LENG8: variants seen among roughly 807,000 people sequenced by gnomAD.
LENG8 encodes leukocyte receptor cluster (LRC) member 8.
LENG8 carries 28 observed loss-of-function variants against 102.1 expected under a neutral mutation model. The observed-to-expected ratio is 0.27, with a 90% CI of 0.20 to 0.38. The LOEUF is 0.38. LENG8 is among the 10% of genes least tolerant of loss of function. LENG8 has a pLI of 1.00. For synonymous variants in LENG8, 531 were observed against 456.7 expected (o/e 1.16, Z -2.07); for missense variants, 1,022 against 1,113.9 (o/e 0.92, Z 1.17).
At position 54,454,491 on chromosome 19, in the gene LENG8, C is replaced by T. The variant is rs542811604; in HGVS notation, c.488C>T (p.Ser163Leu). ...SYQAPPQQLP[S>L]AQPPQPSNPP... is the part of the protein sequence containing the mutation. Reference sequence around the variant, plus strand: ...CAGGCTCCCCCTCAGCAGCTGCCGTCGGCTCAGCCCCCTCAGCCCTCAAAT... The same window carrying T: ...CAGGCTCCCCCTCAGCAGCTGCCGTTGGCTCAGCCCCCTCAGCCCTCAAAT... Residue 163 changes from serine to leucine, a missense_variant, in exon 6 of 16, where the codon TCG becomes TTG. Physicochemically the swap from Ser to Leu is moderately radical, Grantham distance 145 (BLOSUM62 -2). Transcript: ENST00000326764. 11 of 1,613,594 alleles carry T rather than the reference C, an allele frequency of 6.8e-6. No homozygotes were observed. Among genetic ancestry groups the T allele is most frequent in the South Asian group, 4.4e-5 (4 of 91,074 alleles).
chr19:54,449,757 C>T (rs979678898), intron 1 of LENG8: 3 of 152,364 alleles, frequency 2.0e-5, no homozygotes, highest in Non-Finnish European at 2.9e-5. Flanking sequence ...GCTCCCGGGA[C>T]CTCAGGCCTC....
At position 54,454,379 on chromosome 19, in the gene LENG8, C is replaced by T. The variant is rs373174648; in HGVS notation, c.427-51C>T. The T allele has an allele frequency of 1.6e-5, 24 of 1,535,424 alleles. No individual in the cohort carries two copies. The Admixed American group carries it at 2.3e-4, about 15-fold the overall frequency. ...CTCACAGCGAGGGCTGAGTGCCACT[C>T]GCCAGCCCCAGAATCTGCCTCCCGT... On this transcript the variant is annotated intron_variant, in intron 5 of 15. Coordinates refer to ENST00000326764, the MANE Select transcript of LENG8 (RefSeq NM_052925.4).
At position 54,457,811 on chromosome 19, in the gene LENG8, C is replaced by T. The variant is rs749623367; in HGVS notation, c.1796C>T (p.Ala599Val). The T allele has an allele frequency of 1.9e-6, 3 of 1,614,182 alleles. No individual in the cohort carries two copies. In the Admixed American group the frequency reaches 5.0e-5, roughly 27 times the overall value. ...HWKEKQDYAF[A>V]CEQMKSIRQD... ...AAAGAGAAGCAGGACTACGCGTTTG[C>T]CTGCGAGCAGATGAAGTCGATCCGG... is the stretch of plus-strand genomic sequence containing the variant. Residue 599 changes from alanine (A) to valine (V), a missense_variant, in exon 12 of 16, where the codon GCC becomes GTC. Ala to Val is a moderately conservative substitution (Grantham distance 64). Transcript: ENST00000326764.
chr19:54,459,969 T>C, intron 15 of LENG8: 1 of 1,219,076 alleles, frequency 8.2e-7, no homozygotes, highest in Non-Finnish European at 1.1e-6. Flanking sequence ...TAATTGGCCT[T>C]GGTTGGGAAC....
chr19:54,451,451 T>G, intron 2 of LENG8, 69 bp downstream of exon 2: 1 of 1,521,762 alleles, frequency 6.6e-7, no homozygotes, highest in South Asian at 1.1e-5. Flanking sequence ...TGCTGTCCTC[T>G]GGGGTGGGAC....
intron 15 of LENG8, chr19:54,460,258 T>C: frequency 7.8e-7 from 1 of 1,278,734 alleles, no homozygotes; most frequent in Non-Finnish European, 1.0e-6. Context: ...ACCTGGCTCG[T>C]GCTAGATGCT....
chr19:54,454,792 C>A, intron 6 of LENG8, 110 bp downstream of exon 6: 1 of 1,437,830 alleles, frequency 7.0e-7, no homozygotes, highest in South Asian at 1.3e-5. Flanking sequence ...TTGTGATCGC[C>A]AGGCTGGGGG....
Position 54,455,524 on chromosome 19 carries a change from G to A in LENG8, c.982G>A (p.Gly328Ser), listed in dbSNP as rs771259802. 5.0e-6 allele frequency: 8 copies of A among 1,613,446 alleles called. No individual in the cohort carries two copies. The highest frequency in any genetic ancestry group is 4.5e-5 in the East Asian group (2 of 44,884). Residue 328 changes from glycine (G) to serine (S), a missense_variant, in exon 8 of 16, where the codon GGC becomes AGC. Transcript: ENST00000326764. Reference sequence around the variant, plus strand: ...GGTGCTGCAGGCGCGGCTGCAGGACGGCTCGGCCTATACCATTGACTGGAG... The same window carrying A: ...GGTGCTGCAGGCGCGGCTGCAGGACAGCTCGGCCTATACCATTGACTGGAG... ...KEVLQARLQD[G>S]SAYTIDWSRE...
chr19:54,456,066 C>A lies in LENG8; in HGVS notation c.1125C>A (p.Gly375=). 6.2e-7 allele frequency: 1 copy of A among 1,609,510 alleles called. No individual in the cohort carries two copies. Among genetic ancestry groups the A allele is most frequent in the South Asian group, 1.1e-5 (1 of 90,806 alleles). ...PPRGAGSATR[G]GGAPSQRGTP... ...GAGGGGCAGGCTCGGCGACAAGGGGCGGGGGTGCCCCGTCCCAGCGAGGGA... is the reference window on the plus strand; with the variant it reads ...GAGGGGCAGGCTCGGCGACAAGGGGAGGGGGTGCCCCGTCCCAGCGAGGGA... The change falls in exon 9 of 16, where the codon GGC becomes GGA. Residue 375 remains glycine (G), a synonymous_variant. Coordinates refer to ENST00000326764, the MANE Select transcript of LENG8 (RefSeq NM_052925.4).
At position 54,456,377 on chromosome 19, in the gene LENG8, G is replaced by C. The variant is rs143145059; in HGVS notation, c.1357G>C (p.Val453Leu). The C allele has an allele frequency of 4.7e-5, 76 of 1,612,974 alleles. No homozygotes were observed. The African/African-American group carries it at 9.5e-4, about 20-fold the overall frequency. ...SSYSGNECHP[V>L]GRRNPPPKGR... ...CTACTCAGGGAATGAGTGTCACCCT[G>C]TGGGCCGCAGGAACCCGCCCCCTAA... Residue 453 changes from valine to leucine, a missense_variant, in exon 10 of 16, where the codon GTG (valine) becomes CTG (leucine). This residue lies in a region of LENG8 where 326 missense variants were observed against 324.5 expected (regional missense o/e 1.00). Transcript: ENST00000326764.
chr19:54,460,899 C>T lies in LENG8; in HGVS notation c.2374C>T (p.Leu792Phe). Residue 792 changes from leucine to phenylalanine, a missense_variant, in exon 16 of 16, where the codon CTC (leucine) becomes TTC (phenylalanine). By Grantham distance (22) the Leu-to-Phe change is conservative. Coordinates refer to ENST00000326764, the MANE Select transcript of LENG8 (RefSeq NM_052925.4). ...GGACAACTCCAGCATCGACTGCCGC[C>T]TCAGCCTGGCGCAGCTGTCAGCCTT... The part of the protein sequence containing the change: ...GPDNSSIDCR[L>F]SLAQLSAF The T allele has an allele frequency of 6.4e-7, 1 of 1,552,242 alleles. No individual in the cohort carries two copies. The highest frequency in any genetic ancestry group is 8.7e-7 in the Non-Finnish European group (1 of 1,150,062).
rs769011564 is a variant in LENG8, at chr19:54,458,333, A to G, written c.2052A>G (p.Ala684=). 1.2e-6 allele frequency: 2 copies of G among 1,613,976 alleles called. No homozygotes were observed. The highest frequency in any genetic ancestry group is 1.7e-6 in the Non-Finnish European group (2 of 1,179,976). The change falls in exon 15 of 16, where the codon GCA becomes GCG. Residue 684 remains alanine, a synonymous_variant. Coordinates refer to ENST00000326764, the MANE Select transcript of LENG8 (RefSeq NM_052925.4). ...TGCTAGACATCACCACGGAGCTGGC[A>G]TACCTCACACGAGAACTGAAGGCAG... ...KNSGDITTEL[A]YLTRELKADP... is the part of the protein sequence containing the mutation.
rs777247434 is a variant in LENG8, at chr19:54,456,877, C to T, written c.1687C>T (p.Arg563Cys). 1.2e-6 allele frequency: 2 copies of T among 1,610,206 alleles called. No individual in the cohort carries two copies. Among genetic ancestry groups the T allele is most frequent in the Non-Finnish European group, 1.7e-6 (2 of 1,179,848 alleles). Reference sequence around the variant, plus strand: ...CCCTGACATCACCAAGCACTACCTGCGCCTCACCTGTGCCCCCGACCCGTC... The same window carrying T: ...CCCTGACATCACCAAGCACTACCTGTGCCTCACCTGTGCCCCCGACCCGTC... ...TCPDITKHYL[R>C]LTCAPDPSTV... The change falls in exon 11 of 16, where the codon CGC becomes TGC. Residue 563 changes from arginine (R) to cysteine (C), a missense_variant. Coordinates refer to ENST00000326764, the MANE Select transcript of LENG8 (RefSeq NM_052925.4).
At chr19:54,458,542 T>C (rs778046551) in intron 15 of LENG8, 21 bp downstream of exon 15, 52 of 1,613,842 alleles carry the variant, frequency 3.2e-5, no homozygotes, top group Non-Finnish European at 4.2e-5. Context: ...CCAAGCTCCC[T>C]TCTGCCTTTG....
intron 15 of LENG8, chr19:54,459,991 T>C: frequency 8.1e-7 from 1 of 1,238,852 alleles, no homozygotes; most frequent in Admixed American, 2.6e-5. Context: ...TAGCCATGAG[T>C]GCCCCTCGTG....
At chr19:54,460,276 T>C in intron 15 of LENG8, 1 of 1,271,168 alleles carries the variant, frequency 7.9e-7, no homozygotes, top group Non-Finnish European at 1.0e-6. Flanking sequence ...GCTCAGTCAG[T>C]AGTGTGTTTT....
In LENG8 at chr19:54,455,065, C is replaced by T; in HGVS notation, c.794C>T (p.Pro265Leu). ...CAGCACAGTGGTTTTGGCCCCCAGC[C>T]CAACCCTGAGAAAGTTCAGAACCAC... ...EGQHSGFGPQ[P>L]NPEKVQNHSG... Residue 265 changes from proline to leucine, a missense_variant, in exon 7 of 16, where the codon CCC becomes CTC. By Grantham distance (98) the Pro-to-Leu change is moderately conservative. This residue lies in a region of LENG8 where 343 missense variants were observed against 320.2 expected (regional missense o/e 1.07). Coordinates refer to ENST00000326764, the MANE Select transcript of LENG8 (RefSeq NM_052925.4). The T allele has an allele frequency of 1.2e-6, 2 of 1,614,228 alleles. No homozygotes were observed. The highest frequency in any genetic ancestry group is 1.7e-6 in the Non-Finnish European group (2 of 1,180,038).
intron 15 of LENG8, chr19:54,459,642 C>T (rs1278455811): frequency 5.0e-6 from 5 of 996,296 alleles, no homozygotes; most frequent in Non-Finnish European, 6.0e-6. Flanking sequence ...GGTGGCCCTC[C>T]GTGTGAGGTC....
intron 15 of LENG8, chr19:54,458,763 T>C: frequency 6.4e-7 from 1 of 1,551,262 alleles, no homozygotes; most frequent in Non-Finnish European, 8.7e-7. Flanking sequence ...GCTCACTGCC[T>C]CTGGGGCCTC....
Sources: allele counts gnomAD v4.1 joint callset, GRCh38; gene constraint gnomAD v4.1.1; regional missense constraint gnomAD v4.1.1; transcripts MANE v1.5; gene names NCBI Gene and HGNC (gene_info 2026-07-23, HGNC 2026-07-21).